The following ARVCF variants were observed in gnomAD, a reference collection of about 807,000 sequenced individuals.
The protein encoded by ARVCF is ARVCF delta catenin family member.
In ARVCF, 66 loss-of-function variants were observed where a neutral mutation model predicts 90.9. That is an observed-to-expected ratio of 0.73 (90% CI 0.60 to 0.89). The LOEUF (loss-of-function observed/expected upper bound fraction) is 0.89, where lower values mean the gene tolerates loss of function less well. Among genes scored for constraint, ARVCF ranks in the 40% least tolerant of loss-of-function variants. ARVCF has a pLI of 0.00. For synonymous variants in ARVCF, 653 were observed against 603.4 expected, an observed-to-expected ratio of 1.08 and a Z score of -1.21; for missense variants, 1,469 against 1,382.3, an observed-to-expected ratio of 1.06 and a Z score of -1.00.
intron 5 of ARVCF, 64 bp downstream of exon 5, chr22:19,981,147 T>C (rs2146311776): frequency 5.5e-6 from 8 of 1,451,710 alleles, no homozygotes; most frequent in Middle Eastern, 2.3e-4. Context: ...GGGCACTCTG[T>C]AGTTGGGGGG....
intron 3 of ARVCF, chr22:19,983,597 C>CA (rs1272872240): frequency 2.0e-5 from 3 of 152,474 alleles, no homozygotes. Context: ...CCCTCTCCCA[C>CA]AGGCAGGGTC....
intron 2 of ARVCF, among the ~76,000 whole-genome samples, chr22:19,998,882 C>A (rs1944349050): frequency 6.6e-6 from 1 of 152,180 alleles, no homozygotes; most frequent in Admixed American, 6.5e-5. Context: ...TGTCCTCTCA[C>A]TTCTCAAGCC....
chr22:19,974,981 T>C (rs889300416), intron 11 of ARVCF, among the ~76,000 whole-genome samples: 23 of 152,158 alleles, frequency 1.5e-4, no homozygotes, highest in Non-Finnish European at 2.9e-4. Context: ...ATCTCCCCTG[T>C]ACCCACCCAG....
In ARVCF at chr22:19,977,459, C is replaced by G; in HGVS notation, c.1826G>C (p.Arg609Pro). ...PLGSAVGSQR[R>P]RRDDASCFGG... ...AAAGCAGCTGGCATCATCCCGCCTC[C>G]GGCGCTGGGAGCCTACAGCACTGCC... is the stretch of plus-strand genomic sequence containing the variant. Residue 609 changes from arginine to proline, a missense_variant, in exon 9 of 20, where the codon CGG becomes CCG. By Grantham distance (103) the Arg-to-Pro change is moderately radical (BLOSUM62 -2). Transcript: ENST00000263207. The G allele has an allele frequency of 6.4e-7, 1 of 1,564,440 alleles. No homozygotes were observed. The highest frequency in any genetic ancestry group is 8.7e-7 in the Non-Finnish European group (1 of 1,155,594).
At chr22:19,984,475 G>C (rs1006764606) in intron 3 of ARVCF, among the ~76,000 whole-genome samples, 2 of 152,184 alleles carry the variant, frequency 1.3e-5, no homozygotes, top group African/African-American at 4.8e-5. Context: ...ACCTCAGGGA[G>C]CTAAAAACGA....
chr22:19,979,000 C>T lies in ARVCF; in HGVS notation c.1477G>A (p.Val493Met), dbSNP rs764990538. Residue 493 changes from valine (V) to methionine (M), a missense_variant, in exon 7 of 20, where the codon GTG (valine) becomes ATG (methionine). Transcript: ENST00000263207. ...DHGLQTLTHE[V>M]IVPHSGWERE... is the part of the protein sequence containing the mutation. The stretch of plus-strand genomic sequence containing the variant: ...TCCCATCCTGAGTGGGGCACGATCA[C>T]CTCGTGGGTCAGCGTCTGCAGGCCA... 1.9e-6 allele frequency: 3 copies of T among 1,613,418 alleles called. No homozygotes were observed. The highest frequency in any genetic ancestry group is 2.5e-6 in the Non-Finnish European group (3 of 1,179,954).
intron 3 of ARVCF, chr22:19,987,212 G>C: frequency 2.6e-6 from 1 of 381,258 alleles, no homozygotes. Context: ...CCGCGGGGGC[G>C]GATCTGGCGG....
chr22:19,967,451 A>C, downstream of ARVCF: 2 of 458,534 alleles, frequency 4.4e-6, no homozygotes, highest in Non-Finnish European at 8.9e-6. Context: ...TTCCTGCTCA[A>C]CTCCGGACCT....
downstream of ARVCF, chr22:19,968,552 G>A (rs1365901971): frequency 8.1e-6 from 13 of 1,614,026 alleles, no homozygotes; most frequent in Middle Eastern, 1.7e-4. Context: ...GGCCTGCTGC[G>A]GAAGGGGACA....
intron 2 of ARVCF, among the ~76,000 whole-genome samples, chr22:19,993,851 C>A (rs1042345924): frequency 6.6e-6 from 1 of 152,180 alleles, no homozygotes; most frequent in Non-Finnish European, 1.5e-5. Flanking sequence ...AAATAAACTG[C>A]AAAACAAAAG....
intron 2 of ARVCF, among the ~76,000 whole-genome samples, chr22:19,994,566 G>A (rs1944161667): frequency 9.0e-6 from 1 of 110,512 alleles, no homozygotes; most frequent in Non-Finnish European, 1.8e-5. Context: ...ATGGATGGAT[G>A]GGTGGGTGGG....
chr22:19,971,989 T>G lies in ARVCF; in HGVS notation c.2696-18A>C. On this transcript the variant is annotated intron_variant, in intron 17 of 19. Transcript: ENST00000263207. ...GTATCCGTCTGTAGATGGGGTAAGG[T>G]GGGGCATGAGGGGCGCTCTGAGGGA... 1 of 1,598,918 alleles carries G rather than the reference T, an allele frequency of 6.3e-7. No individual in the cohort carries two copies. The highest frequency in any genetic ancestry group is 8.5e-7 in the Non-Finnish European group (1 of 1,172,336).
At chr22:19,996,875 C>T (rs1161647412) in intron 2 of ARVCF, among the ~76,000 whole-genome samples, 1 of 152,200 alleles carries the variant, frequency 6.6e-6, no homozygotes, top group Non-Finnish European at 1.5e-5. Context: ...ATGAGCCAGG[C>T]TGGATGAGAC....
At chr22:19,987,199 T>G (rs1601626150) in intron 3 of ARVCF, 4 of 369,260 alleles carry the variant, frequency 1.1e-5, no homozygotes, top group African/African-American at 4.4e-5. Flanking sequence ...GCGGACTCGC[T>G]CCCCGCGGGG....
At chr22:19,983,186 T>G (rs1488652426) in intron 3 of ARVCF, among the ~76,000 whole-genome samples, 2 of 152,182 alleles carry the variant, frequency 1.3e-5, no homozygotes, top group African/African-American at 2.4e-5. Flanking sequence ...CCCTGGTGGG[T>G]GGGTCAGGCG....
chr22:19,981,427 A>G lies in ARVCF; in HGVS notation c.680T>C (p.Phe227Ser), dbSNP rs760233166. Residue 227 changes from phenylalanine (F) to serine (S), a missense_variant, in exon 5 of 20, where the codon TTC becomes TCC. By Grantham distance (155) the Phe-to-Ser change is radical. Transcript: ENST00000263207. ...PLGPGPGDGCFTLPGHREAFP... is the reference protein window; with the variant it reads ...PLGPGPGDGCSTLPGHREAFP... ...GGCTTCCCGGTGGCCAGGCAGTGTG[A>G]AGCAGCCATCACCAGGGCCTGGGCC... is the stretch of plus-strand genomic sequence containing the variant. 12 of 1,571,892 alleles carry G rather than the reference A, an allele frequency of 7.6e-6. No individual in the cohort carries two copies. Among genetic ancestry groups the G allele is most frequent in the Non-Finnish European group, 1.7e-6 (2 of 1,161,204 alleles).
At chr22:19,978,111 T>G (rs758568359) in intron 7 of ARVCF, 36 bp from the exon 8 acceptor site, 1 of 1,550,564 alleles carries the variant, frequency 6.4e-7, no homozygotes, top group Non-Finnish European at 8.7e-7. Flanking sequence ...GACCCCTGGC[T>G]ACCAGAAACT....
At chr22:19,981,872 G>A in intron 4 of ARVCF, 61 bp downstream of exon 4, 1 of 1,590,794 alleles carries the variant, frequency 6.3e-7, no homozygotes, top group Non-Finnish European at 8.6e-7. Context: ...CCACTCTGCA[G>A]GTGGGACAGC....
chr22:19,998,914 C>T (rs759435866), intron 2 of ARVCF, among the ~76,000 whole-genome samples: 2 of 152,210 alleles, frequency 1.3e-5, no homozygotes, highest in African/African-American at 2.4e-5. Flanking sequence ...CTTCACCTAT[C>T]CGCCCAGGGG....
Sources: allele counts gnomAD v4.1 joint callset (sites outside exome capture counted in the v4.1 genomes callset), GRCh38; gene constraint gnomAD v4.1.1; transcripts MANE v1.5; gene names NCBI Gene and HGNC (gene_info 2026-07-23, HGNC 2026-07-21).